The following CLUH variants were observed in gnomAD, a reference collection of about 807,000 sequenced individuals.
The protein encoded by CLUH is CLUH binding protein of NUMT mRNA, also known as clustered mitochondria protein homolog.
A neutral mutation model predicts 139.3 loss-of-function variants in CLUH; 77 were observed. The ratio of observed to expected loss-of-function variants is 0.55; its 90% CI spans 0.46 to 0.67. The LOEUF (loss-of-function observed/expected upper bound fraction) is 0.67, where lower values mean the gene tolerates loss of function less well. Among genes scored for constraint, CLUH ranks in the 30% least tolerant of loss-of-function variants. CLUH has a pLI of 0.00. For missense variants in CLUH, 1,876 were observed against 1,875.8 expected (o/e 1.00, Z 0.00); for synonymous variants, 999 against 801.6 (o/e 1.25, Z -4.16).
chr17:2,697,710 G>A (rs2070011562), intron 10 of CLUH, among the ~76,000 whole-genome samples, 186 bp downstream of exon 10: 1 of 152,202 alleles, frequency 6.6e-6, no homozygotes, highest in Admixed American at 6.5e-5. Flanking sequence ...TCTGCAGCCC[G>A]GGTTTCTGCG....
chr17:2,708,390 C>T (rs1001958171), intron 1 of CLUH, among the ~76,000 whole-genome samples: 7 of 152,098 alleles, frequency 4.6e-5, no homozygotes, highest in African/African-American at 1.7e-4. Flanking sequence ...CTGGCAGTGA[C>T]CCCAGAGAAG....
At chr17:2,692,120 G>T in intron 22 of CLUH, 23 bp from the exon 23 acceptor site, 1 of 1,578,960 alleles carries the variant, frequency 6.3e-7, no homozygotes, top group Non-Finnish European at 8.6e-7. Flanking sequence ...GCGGCGCGGG[G>T]CGAGGGAAGG....
chr17:2,696,686 G>T, intron 11 of CLUH, 33 bp downstream of exon 11: 1 of 1,606,496 alleles, frequency 6.2e-7, no homozygotes, highest in Non-Finnish European at 8.5e-7. Context: ...GGGCCAGCCC[G>T]GGCTCTCTCC....
At chr17:2,693,792 G>A (rs1177629612) in intron 19 of CLUH, 108 bp downstream of exon 19, 19 of 1,397,416 alleles carry the variant, frequency 1.4e-5, no homozygotes, top group East Asian at 1.3e-4. Flanking sequence ...CAGAACCAGC[G>A]ACTTCCTGGG....
At chr17:2,705,477 A>G (rs2070325120) in intron 1 of CLUH, among the ~76,000 whole-genome samples, 2 of 151,854 alleles carry the variant, frequency 1.3e-5, no homozygotes, top group African/African-American at 4.8e-5. Flanking sequence ...TACCGCCCAC[A>G]GCCCTCCCAC....
At chr17:2,695,793 C>A (rs981827407) in intron 13 of CLUH, 21 of 589,666 alleles carry the variant, frequency 3.6e-5, no homozygotes, top group African/African-American at 1.5e-4. Flanking sequence ...AGCCCCGTGT[C>A]CTGAGGCTTG....
In CLUH at chr17:2,695,351, G is replaced by A. The variant is rs544332095; in HGVS notation, c.2544+23C>T. 2.1e-4 allele frequency: 345 copies of A among 1,613,046 alleles called. No individual in the cohort carries two copies. The Middle Eastern group carries it at 4.1e-3, about 19-fold the overall frequency. On this transcript the variant is annotated intron_variant, in intron 14 of 25. Coordinates refer to ENST00000651024, the MANE Select transcript of CLUH (RefSeq NM_001366661.1). ...ATCCCAGTCCCACAGCTCCCGTTCC[G>A]CCCCACCCCGGGCAGCACTCACAAA...
intron 10 of CLUH, among the ~76,000 whole-genome samples, chr17:2,697,321 C>T (rs2069989242): frequency 6.6e-6 from 1 of 151,906 alleles, no homozygotes; most frequent in Non-Finnish European, 1.5e-5. Flanking sequence ...ATCACTTGAA[C>T]CCGGGAGGCA....
At chr17:2,693,802 G>C (rs2069816634) in intron 19 of CLUH, 98 bp downstream of exon 19, 2 of 1,438,050 alleles carry the variant, frequency 1.4e-6, no homozygotes, top group Non-Finnish European at 1.9e-6. Context: ...GACTTCCTGG[G>C]GTCTCCCTGG....
intron 1 of CLUH, among the ~76,000 whole-genome samples, chr17:2,708,824 T>C (rs2070425604): frequency 6.8e-6 from 1 of 147,780 alleles, no homozygotes; most frequent in Admixed American, 6.8e-5. Flanking sequence ...ACAGGTAGGC[T>C]GCACCTGCCT....
At position 2,698,357 on chromosome 17, in the gene CLUH, C is replaced by T; in HGVS notation, c.1500G>A (p.Val500=). Residue 500 remains valine, a synonymous_variant, in exon 10 of 26, where the codon GTG becomes GTA. Transcript: ENST00000651024. ...DLNGVRTYNA[V]DVEGLYTLGT... Reference sequence around the variant, plus strand: ...CCAGCGTGTACAGCCCCTCCACGTCCACCGCGTTGTACGTGCGGACGCCAT... The same window carrying T: ...CCAGCGTGTACAGCCCCTCCACGTCTACCGCGTTGTACGTGCGGACGCCAT... 6.2e-7 allele frequency: 1 copy of T among 1,613,262 alleles called. No individual in the cohort carries two copies. Among genetic ancestry groups the T allele is most frequent in the South Asian group, 1.1e-5 (1 of 91,062 alleles).
intron 3 of CLUH, among the ~76,000 whole-genome samples, chr17:2,702,817 GTTCTT>G (rs1245897798): frequency 6.6e-6 from 1 of 151,538 alleles, no homozygotes; most frequent in Non-Finnish European, 1.5e-5. Flanking sequence ...TCACGGCTCT[GTTCTT>G]TTGTTTTGTT....
chr17:2,692,891 G>A (rs748820201), intron 19 of CLUH, 31 bp from the exon 20 acceptor site: 17 of 1,546,720 alleles, frequency 1.1e-5, no homozygotes, highest in Middle Eastern at 1.8e-4. Flanking sequence ...TTGCCGCGGC[G>A]TGGGAACCCC....
At chr17:2,696,587 G>T in intron 11 of CLUH, 49 bp from the exon 12 acceptor site, 3 of 1,532,510 alleles carry the variant, frequency 2.0e-6, no homozygotes, top group Non-Finnish European at 2.6e-6. Context: ...GCCACCGGTG[G>T]AGCTGGGCTG....
chr17:2,696,045 A>G, intron 13 of CLUH, 114 bp downstream of exon 13: 2 of 842,808 alleles, frequency 2.4e-6, no homozygotes, highest in Non-Finnish European at 3.8e-6. Context: ...CACTCAGGGA[A>G]AGCTGAAAAA....
intron 1 of CLUH, among the ~76,000 whole-genome samples, 161 bp downstream of exon 1, chr17:2,711,401 T>C (rs1040847960): frequency 2.6e-5 from 4 of 151,972 alleles, no homozygotes; most frequent in African/African-American, 9.7e-5. Flanking sequence ...GGGGCGACTG[T>C]GAAGGTGACC....
At chr17:2,700,923 C>T in intron 7 of CLUH, 98 bp from the exon 8 acceptor site, 1 of 1,449,962 alleles carries the variant, frequency 6.9e-7, no homozygotes, top group Admixed American at 2.6e-5. Flanking sequence ...CCGGCATCTC[C>T]CACCCTGAGA....
Position 2,694,536 on chromosome 17 carries a change from AG to A in CLUH, c.2880del (p.Tyr961ThrfsTer6), listed in dbSNP as rs1221178971. The A allele has an allele frequency of 6.3e-7, 1 of 1,581,732 alleles. No individual in the cohort carries two copies. Among genetic ancestry groups the A allele is most frequent in the Non-Finnish European group, 8.6e-7 (1 of 1,164,412 alleles). On this transcript the variant is annotated frameshift_variant, in exon 17 of 26. Transcript: ENST00000651024. LOFTEE classifies it high-confidence loss of function. ...AGGAGCGTTATCTTCTGCAGGCCGT[AG>A]GTCTCCACAGCCTGGTCCACGGTCT... ...ECETVDQAVE[T>X]YGLQKITLLR...
In CLUH at chr17:2,707,089, C is replaced by T. The variant is rs1026194254; in HGVS notation, c.101-2525G>A. 1.5e-5 allele frequency: 12 copies of T among 806,522 alleles called. No individual in the cohort carries two copies. Among genetic ancestry groups the T allele is most frequent in the Admixed American group, 6.2e-5 (1 of 16,068 alleles). 50.0% of individuals were successfully genotyped at this position (806,522 alleles called of 1,614,324 possible). ...TACCCTAATCCTTCCTCCTAGGAAC[C>T]CCGAAGGTCTCCCCACCCCTGGATG... On this transcript the variant is annotated intron_variant, in intron 1 of 25. Transcript: ENST00000651024. The surrounding 1 kb of genome is among the most constrained non-coding windows in gnomAD (Gnocchi z 7.4).
Sources: allele counts gnomAD v4.1 joint callset (sites outside exome capture counted in the v4.1 genomes callset), GRCh38; gene constraint gnomAD v4.1.1; non-coding constraint Gnocchi (gnomAD v3.1); transcripts MANE v1.5; gene names NCBI Gene and HGNC (gene_info 2026-07-23, HGNC 2026-07-21).